Variants in IGF2BP2 observed in about 807,000 individuals in gnomAD.
The protein encoded by IGF2BP2 is insulin-like growth factor 2 mRNA-binding protein 2.
In IGF2BP2, 17 loss-of-function variants were observed where a neutral mutation model predicts 75.8. The observed-to-expected ratio is 0.22, with a 90% CI of 0.15 to 0.34. IGF2BP2 has a LOEUF of 0.34. Among genes scored for constraint, IGF2BP2 ranks in the 10% least tolerant of loss-of-function variants. The probability of loss-of-function intolerance (pLI) is 1.00; values close to 1 mark genes in which losing one functional copy is unlikely to be tolerated. For synonymous variants in IGF2BP2, 288 were observed against 295.6 expected, an observed-to-expected ratio of 0.97 and a Z score of 0.26; for missense variants, 516 against 772.4, an observed-to-expected ratio of 0.67 and a Z score of 3.93.
chr3:185,657,580 CCTG>C (rs1715662545), intron 11 of IGF2BP2, among the ~76,000 whole-genome samples, 178 bp from the exon 12 acceptor site: 1 of 152,192 alleles, frequency 6.6e-6, no homozygotes, highest in African/African-American at 2.4e-5. Context: ...AGGTGTGAAG[CCTG>C]AGGAAGGGAC....
chr3:185,788,363 T>TA (rs1736168894), intron 2 of IGF2BP2, among the ~76,000 whole-genome samples: 1 of 151,876 alleles, frequency 6.6e-6, no homozygotes, highest in South Asian at 2.1e-4. Flanking sequence ...CTATAAATAA[T>TA]AAAAAATTAG....
intron 2 of IGF2BP2, among the ~76,000 whole-genome samples, chr3:185,772,921 T>C (rs191735846): frequency 9.8e-4 from 149 of 152,266 alleles, no homozygotes; most frequent in Admixed American, 5.6e-3. Flanking sequence ...CTGCTCTCAA[T>C]AATGTCATAG....
chr3:185,713,695 A>G (rs1037875500), intron 2 of IGF2BP2, among the ~76,000 whole-genome samples: 6 of 152,178 alleles, frequency 3.9e-5, no homozygotes, highest in African/African-American at 1.4e-4. Flanking sequence ...AGTAAGTGCT[A>G]CATACTCTTT....
intron 7 of IGF2BP2, among the ~76,000 whole-genome samples, chr3:185,677,068 T>TATATATATATATATTATATAGAGAGAGAG: frequency 5.6e-5 from 2 of 35,876 alleles, no homozygotes; most frequent in African/African-American, 3.1e-4. Flanking sequence ...TATATATATA[T>TATATATATATATATTATATAGAGAGAGAG]AGAGAGAGAG....
At chr3:185,783,550 C>CAA (rs1357664089) in intron 2 of IGF2BP2, among the ~76,000 whole-genome samples, 3 of 152,208 alleles carry the variant, frequency 2.0e-5, no homozygotes, top group Non-Finnish European at 4.4e-5. Flanking sequence ...GGTCACCAGC[C>CAA]AAAGGTCATT....
chr3:185,656,972 C>T (rs1037889327), intron 12 of IGF2BP2, among the ~76,000 whole-genome samples: 7 of 152,150 alleles, frequency 4.6e-5, no homozygotes, highest in Admixed American at 6.5e-5. Flanking sequence ...ATCACTTCAC[C>T]GCAGTCCCTT....
At chr3:185,687,922 C>T (rs1179888956) in intron 6 of IGF2BP2, among the ~76,000 whole-genome samples, 1 of 152,038 alleles carries the variant, frequency 6.6e-6, no homozygotes, top group East Asian at 1.9e-4. Flanking sequence ...TCTATTTAAA[C>T]TTGTTACATT....
intron 11 of IGF2BP2, among the ~76,000 whole-genome samples, chr3:185,658,057 C>T (rs891640915): frequency 2.0e-5 from 3 of 152,184 alleles, no homozygotes; most frequent in African/African-American, 7.2e-5. Flanking sequence ...ACAGCACGTG[C>T]TCATCTGGCC....
chr3:185,771,581 T>C (rs1020661899), intron 2 of IGF2BP2, among the ~76,000 whole-genome samples: 2 of 152,138 alleles, frequency 1.3e-5, no homozygotes, highest in African/African-American at 4.8e-5. Context: ...CCTAAAACAT[T>C]TGCTTAAGGA....
intron 2 of IGF2BP2, among the ~76,000 whole-genome samples, chr3:185,731,703 A>AGTGGCTC (rs1185615207): frequency 4.0e-5 from 6 of 151,736 alleles, no homozygotes; most frequent in Non-Finnish European, 7.4e-5. Context: ...GGCCAGGCGC[A>AGTGGCTC]GTGGCTCATG....
chr3:185,791,187 C>G (rs1340147423), intron 2 of IGF2BP2, among the ~76,000 whole-genome samples: 1 of 152,206 alleles, frequency 6.6e-6, no homozygotes, highest in Non-Finnish European at 1.5e-5. Flanking sequence ...TCTGACAGTG[C>G]CTGGTGTATC....
intron 2 of IGF2BP2, among the ~76,000 whole-genome samples, chr3:185,790,824 CAA>C (rs1456034283): frequency 6.6e-6 from 1 of 152,190 alleles, no homozygotes; most frequent in African/African-American, 2.4e-5. Flanking sequence ...AAAAATATCT[CAA>C]GTTACTATAA....
rs545581332 is a variant in IGF2BP2 at position 185,691,023 on chromosome 3, T to C, written c.405-1396A>G. Among the ~76,000 whole-genome samples the C allele has an allele frequency of 3.9e-5, 6 of 152,164 alleles. No individual in the cohort carries two copies. In the South Asian group the frequency reaches 1.2e-3, roughly 32 times the overall value. On this transcript the variant is annotated intron_variant, in intron 5 of 15. Transcript: ENST00000382199. The stretch of plus-strand genomic sequence containing the variant: ...CAGCAGCTAGATAAGGGCTGTGGAG[T>C]TGAGTTGTTGGTGTATCTCCACTTA...
intron 2 of IGF2BP2, among the ~76,000 whole-genome samples, chr3:185,764,527 G>A (rs1462788133): frequency 6.6e-6 from 1 of 152,204 alleles, no homozygotes; most frequent in Non-Finnish European, 1.5e-5. Flanking sequence ...AGCCCTTGAT[G>A]GAGGTGAAGA....
intron 2 of IGF2BP2, among the ~76,000 whole-genome samples, chr3:185,742,496 GA>G (rs369433216): frequency 6.8e-6 from 1 of 147,964 alleles, no homozygotes; most frequent in African/African-American, 2.5e-5. Context: ...ACTCCATTTC[GA>G]AAAAAAAATA....
At position 185,647,003 on chromosome 3, in the gene IGF2BP2, C is replaced by T. The variant is rs1560218328; in HGVS notation, c.1707+22G>A. 1.3e-6 allele frequency: 2 copies of T among 1,548,444 alleles called. No individual in the cohort carries two copies. Among genetic ancestry groups the T allele is most frequent in the Admixed American group, 1.7e-5 (1 of 59,942 alleles). On this transcript the variant is annotated intron_variant, in intron 15 of 15. Coordinates refer to ENST00000382199, the MANE Select transcript of IGF2BP2 (RefSeq NM_006548.6). The surrounding 1 kb of genome is among the most constrained non-coding windows in gnomAD (Gnocchi z 4.9). Reference sequence around the variant, plus strand: ...ATTGAAAAGAGACTTGCAGGAGAGACAGGGCCCTCACAGCACAGTACCTGG... The same window carrying T: ...ATTGAAAAGAGACTTGCAGGAGAGATAGGGCCCTCACAGCACAGTACCTGG...
chr3:185,737,432 C>T (rs1047408087), intron 2 of IGF2BP2, among the ~76,000 whole-genome samples: 13 of 152,132 alleles, frequency 8.5e-5, no homozygotes, highest in Admixed American at 5.9e-4. Context: ...TCAGTTTTCC[C>T]TTTTATAACA....
At chr3:185,735,696 G>C (rs1180799530) in intron 2 of IGF2BP2, among the ~76,000 whole-genome samples, 1 of 152,106 alleles carries the variant, frequency 6.6e-6, no homozygotes, top group Non-Finnish European at 1.5e-5. Context: ...TGAAGACCCA[G>C]GCTGTACTTA....
In IGF2BP2 at chr3:185,647,276, G is replaced by T; in HGVS notation, c.1594-138C>A. Reference sequence around the variant, plus strand: ...CTCTGCTCTCCTTTCCTTTTATCAAGGACACCCCGGGGGCTCCTCTGCCCC... The same window carrying T: ...CTCTGCTCTCCTTTCCTTTTATCAATGACACCCCGGGGGCTCCTCTGCCCC... On this transcript the variant is annotated intron_variant, in intron 14 of 15. Coordinates refer to ENST00000382199, the MANE Select transcript of IGF2BP2 (RefSeq NM_006548.6). This position sits in a 1 kb window ranked among gnomAD's most constrained non-coding sequence, Gnocchi z 4.9. 1 of 665,276 alleles carries T rather than the reference G, an allele frequency of 1.5e-6. No homozygotes were observed. The allele number at this position is 665,276 out of a possible 1,614,324, so 41.2% of individuals were successfully genotyped here. A position where few individuals can be genotyped will look rare whatever the true frequency, so the allele number is the denominator to read the frequency against.
Sources: allele counts gnomAD v4.1 joint callset (sites outside exome capture counted in the v4.1 genomes callset), GRCh38; gene constraint gnomAD v4.1.1; non-coding constraint Gnocchi (gnomAD v3.1); transcripts MANE v1.5; gene names NCBI Gene and HGNC (gene_info 2026-07-23, HGNC 2026-07-21).